The following NKAIN2 variants were observed in gnomAD, a reference collection of about 807,000 sequenced individuals.
NKAIN2 encodes the protein sodium/potassium transporting ATPase interacting 2, also known as sodium/potassium-transporting ATPase subunit beta-1-interacting protein 2.
In NKAIN2, 14 loss-of-function variants were observed where a neutral mutation model predicts 32.6. The observed-to-expected ratio is 0.43, with a 90% CI of 0.28 to 0.67. The LOEUF is 0.67. NKAIN2 is among the 30% of genes least tolerant of loss of function. The probability of loss-of-function intolerance (pLI) is 0.17; values close to 1 mark genes in which losing one functional copy is unlikely to be tolerated. For synonymous variants in NKAIN2, 80 were observed against 87.2 expected (o/e 0.92, Z 0.46); for missense variants, 198 against 258.3 (o/e 0.77, Z 1.60).
intron 2 of NKAIN2, among the ~76,000 whole-genome samples, chr6:124,285,713 C>T (rs1182145863): frequency 6.6e-6 from 1 of 152,110 alleles, no homozygotes; most frequent in African/African-American, 2.4e-5. Flanking sequence ...GGGCACCAAA[C>T]CCCCCACACA....
intron 3 of NKAIN2, among the ~76,000 whole-genome samples, chr6:124,414,224 A>T (rs1774356697): frequency 6.6e-6 from 1 of 152,080 alleles, no homozygotes; most frequent in Non-Finnish European, 1.5e-5. Flanking sequence ...TTCTTTGTCA[A>T]CAGTTTTTAT....
intron 4 of NKAIN2, among the ~76,000 whole-genome samples, chr6:124,764,177 T>C (rs904930226): frequency 6.6e-6 from 1 of 152,232 alleles, no homozygotes; most frequent in African/African-American, 2.4e-5. Context: ...AATAATTGCA[T>C]ATTTTATTTT....
At chr6:124,005,471 A>G (rs1168062557) in intron 1 of NKAIN2, among the ~76,000 whole-genome samples, 1 of 152,120 alleles carries the variant, frequency 6.6e-6, no homozygotes, top group Non-Finnish European at 1.5e-5. Context: ...ATATATATGT[A>G]TGCCATATGC....
At chr6:124,017,221 A>G (rs1780616108) in intron 1 of NKAIN2, among the ~76,000 whole-genome samples, 1 of 152,126 alleles carries the variant, frequency 6.6e-6, no homozygotes, top group Non-Finnish European at 1.5e-5. Context: ...CACTGTCATG[A>G]GAACAGTATG....
At chr6:124,098,759 A>G (rs1784752069) in intron 1 of NKAIN2, among the ~76,000 whole-genome samples, 1 of 152,160 alleles carries the variant, frequency 6.6e-6, no homozygotes, top group East Asian at 1.9e-4. Flanking sequence ...AGTCCCAGCT[A>G]CACGGGAGGC....
In NKAIN2 at chr6:124,802,028, C is replaced by T. The variant is rs540928096; in HGVS notation, c.535+10629C>T. On this transcript the variant is annotated intron_variant, in intron 5 of 6. Transcript: ENST00000368417. ...TGTTAGAGTAACCATGGGACATTCTCTTTCCTGAAATTGCTACTGTTGTTC... is the reference window on the plus strand; with the variant it reads ...TGTTAGAGTAACCATGGGACATTCTTTTTCCTGAAATTGCTACTGTTGTTC... Among the ~76,000 whole-genome samples the T allele has an allele frequency of 2.3e-4, 35 of 152,268 alleles. 1 individual carries two copies. In the Middle Eastern group the frequency reaches 0.01, roughly 44 times the overall value.
chr6:124,412,716 T>G (rs1219591660), intron 3 of NKAIN2, among the ~76,000 whole-genome samples: 1 of 152,182 alleles, frequency 6.6e-6, no homozygotes, highest in Non-Finnish European at 1.5e-5. Context: ...GACAGGGACA[T>G]TTAAGTCTGC....
intron 2 of NKAIN2, among the ~76,000 whole-genome samples, chr6:124,299,553 A>G (rs1796212466): frequency 1.3e-5 from 2 of 152,220 alleles, no homozygotes; most frequent in South Asian, 4.1e-4. Context: ...TAAGGAAGAT[A>G]AAAACATTTA....
chr6:124,362,443 C>A (rs781020581), intron 3 of NKAIN2, among the ~76,000 whole-genome samples: 27 of 152,132 alleles, frequency 1.8e-4, no homozygotes, highest in Non-Finnish European at 3.1e-4. Context: ...ATTATTTCCT[C>A]ATTTCTTAAA....
chr6:124,118,716 A>C (rs779166442), intron 1 of NKAIN2, among the ~76,000 whole-genome samples: 6 of 152,216 alleles, frequency 3.9e-5, no homozygotes, highest in Non-Finnish European at 5.9e-5. Flanking sequence ...CTGAGGACAG[A>C]GGTCTATAAT....
chr6:123,876,962 T>G (rs1367685050), intron 1 of NKAIN2, among the ~76,000 whole-genome samples: 1 of 152,208 alleles, frequency 6.6e-6, no homozygotes, highest in Non-Finnish European at 1.5e-5. Context: ...TATAACTTTT[T>G]TCACTTGTTT....
At chr6:124,777,377 C>A (rs1190229918) in intron 4 of NKAIN2, among the ~76,000 whole-genome samples, 1 of 152,120 alleles carries the variant, frequency 6.6e-6, no homozygotes, top group Non-Finnish European at 1.5e-5. Flanking sequence ...GGGTTTGAAT[C>A]TCAGCTCCAC....
chr6:123,845,504 C>T (rs936224801), intron 1 of NKAIN2, among the ~76,000 whole-genome samples: 1 of 152,130 alleles, frequency 6.6e-6, no homozygotes, highest in Non-Finnish European at 1.5e-5. Context: ...ATTTGGGTTT[C>T]TCTTCACCTT....
intron 2 of NKAIN2, among the ~76,000 whole-genome samples, chr6:124,333,674 A>AATAC (rs1429886940): frequency 1.4e-5 from 2 of 146,826 alleles, no homozygotes; most frequent in Non-Finnish European, 3.1e-5. Flanking sequence ...TAAATAAATA[A>AATAC]ATAAATAAAT....
chr6:124,602,309 A>G (rs1237117279), intron 3 of NKAIN2, among the ~76,000 whole-genome samples: 1 of 151,872 alleles, frequency 6.6e-6, no homozygotes, highest in Admixed American at 6.6e-5. Flanking sequence ...ATCTTATAGC[A>G]TTTTTTACAT....
intron 3 of NKAIN2, among the ~76,000 whole-genome samples, chr6:124,517,632 C>A (rs1195297119): frequency 6.6e-6 from 1 of 152,028 alleles, no homozygotes; most frequent in African/African-American, 2.4e-5. Flanking sequence ...CCTAGAGAGC[C>A]CCTAGTTGTC....
chr6:124,646,806 C>T (rs1323851536), intron 3 of NKAIN2, among the ~76,000 whole-genome samples: 1 of 151,890 alleles, frequency 6.6e-6, no homozygotes, highest in Non-Finnish European at 1.5e-5. Flanking sequence ...CAAAAATTAG[C>T]CAGGTGTGGT....
chr6:124,821,093 G>A (rs867757869), intron 6 of NKAIN2, among the ~76,000 whole-genome samples: 7 of 152,048 alleles, frequency 4.6e-5, no homozygotes, highest in African/African-American at 9.7e-5. Context: ...TCAGGAGTTC[G>A]AGAGCAGCCT....
At chr6:123,840,082 CT>C (rs1774804159) in intron 1 of NKAIN2, among the ~76,000 whole-genome samples, 1 of 151,926 alleles carries the variant, frequency 6.6e-6, no homozygotes, top group South Asian at 2.1e-4. Flanking sequence ...ACCTTGAAAG[CT>C]TTTTTTCTTC....
Sources: gnomAD v4.1 joint callset for allele counts (sites outside exome capture counted in the v4.1 genomes callset) on GRCh38, gnomAD v4.1.1 for gene constraint, MANE v1.5 for transcripts, NCBI Gene and HGNC (gene_info 2026-07-23, HGNC 2026-07-21) for gene names.